The following CRACDL variants were observed in gnomAD, a reference collection of about 807,000 sequenced individuals.
CRACDL encodes the protein CRACD-like protein.
CRACDL carries 26 observed loss-of-function variants against 70.6 expected under a neutral mutation model. The ratio of observed to expected loss-of-function variants is 0.37; its 90% CI spans 0.27 to 0.51. CRACDL has a LOEUF of 0.51. Ranked by LOEUF, CRACDL falls within the 20% of genes least tolerant of loss-of-function variation. The pLI is 0.94. For missense variants in CRACDL, 1,283 were observed against 1,376.9 expected, an observed-to-expected ratio of 0.93 and a Z score of 1.08; for synonymous variants, 618 against 615.2, an observed-to-expected ratio of 1.00 and a Z score of -0.07.
At chr2:98,854,023 C>T (rs558198009) in intron 1 of CRACDL, among the ~76,000 whole-genome samples, 2 of 152,260 alleles carry the variant, frequency 1.3e-5, no homozygotes, top group African/African-American at 4.8e-5. Flanking sequence ...GTGGCTCACA[C>T]CTGTAATACC....
chr2:98,932,689 C>T (rs147016959), intron 1 of CRACDL, among the ~76,000 whole-genome samples: 5,269 of 152,232 alleles, frequency 0.035, 95 homozygotes, highest in African/African-American at 0.055. Flanking sequence ...GCAGCCCCGA[C>T]GGCTCTCCCA....
chr2:98,829,059 T>A (rs1483351137), intron 5 of CRACDL, among the ~76,000 whole-genome samples: 1 of 152,216 alleles, frequency 6.6e-6, no homozygotes, highest in South Asian at 2.1e-4. Flanking sequence ...CTAGGACTCA[T>A]GAGAATAGAC....
chr2:98,902,485 G>A (rs1327325904), intron 1 of CRACDL, among the ~76,000 whole-genome samples: 1 of 152,194 alleles, frequency 6.6e-6, no homozygotes, highest in Non-Finnish European at 1.5e-5. Context: ...TGGGGCGCCT[G>A]AGTGTGGGGG....
chr2:98,846,945 CA>C, intron 1 of CRACDL, 135 bp from the exon 2 acceptor site: 1 of 698,590 alleles, frequency 1.4e-6, no homozygotes, highest in Non-Finnish European at 2.6e-6. Context: ...GGGCAGAGTG[CA>C]GCACAGTACA....
In CRACDL at chr2:98,794,347, C is replaced by A. The variant is rs1336656587; in HGVS notation, c.*185G>T. ...GTTCTTGTTTCTGGGCCCTCTGGCC[C>A]AGGAGTATGGCTGTGTGTTTATCCT... On this transcript the variant is annotated 3_prime_UTR_variant, in exon 10 of 10. Coordinates refer to ENST00000397899, the MANE Select transcript of CRACDL (RefSeq NM_207362.3). 4 of 500,400 alleles carry A rather than the reference C, an allele frequency of 8.0e-6. No homozygotes were observed. Among genetic ancestry groups the A allele is most frequent in the Non-Finnish European group, 1.4e-5 (4 of 287,876 alleles). The allele number at this position is 500,400 out of a possible 1,614,324, so 31.0% of individuals were successfully genotyped here. A position where few individuals can be genotyped will look rare whatever the true frequency, so the allele number is the denominator to read the frequency against.
rs531049497 is a variant in CRACDL at position 98,916,937 on chromosome 2, T to C, written c.-11+19001A>G. ...CTAAACTGAGCCTAAATGACAGTAC[T>C]TTGCACCCAGTATCTGCTCAATCAG... On this transcript the variant is annotated intron_variant, in intron 1 of 9. Coordinates refer to ENST00000397899, the MANE Select transcript of CRACDL (RefSeq NM_207362.3). 3.3e-5 allele frequency among the ~76,000 whole-genome samples: 5 copies of C among 152,326 alleles called. No individual in the cohort carries two copies. The South Asian group carries it at 1.0e-3, about 32-fold the overall frequency.
chr2:98,881,390 C>T (rs1271292184), intron 1 of CRACDL, among the ~76,000 whole-genome samples: 1 of 152,232 alleles, frequency 6.6e-6, no homozygotes, highest in East Asian at 1.9e-4. Flanking sequence ...TTCCTCTGCA[C>T]ATTCAAGCTT....
At chr2:98,854,752 A>C in intron 1 of CRACDL, among the ~76,000 whole-genome samples, 1 of 152,220 alleles carries the variant, frequency 6.6e-6, no homozygotes, top group East Asian at 1.9e-4. Context: ...GACAAACCCA[A>C]ATGAGAGACA....
intron 7 of CRACDL, among the ~76,000 whole-genome samples, chr2:98,801,442 C>G (rs1704071306): frequency 6.6e-6 from 1 of 152,240 alleles, no homozygotes; most frequent in African/African-American, 2.4e-5. Context: ...GTGCCTTTGT[C>G]CCCAGTGAGC....
chr2:98,914,630 C>T (rs549386247), intron 1 of CRACDL, among the ~76,000 whole-genome samples: 1 of 152,310 alleles, frequency 6.6e-6, no homozygotes, highest in South Asian at 2.1e-4. Flanking sequence ...CTGCCCCCCA[C>T]CAGCCTTCGC....
rs192845121 is a variant in CRACDL, at chr2:98,874,105, T to C, written c.-10-27295A>G. 5.9e-5 allele frequency among the ~76,000 whole-genome samples: 9 copies of C among 152,348 alleles called. No individual in the cohort carries two copies. In the South Asian group the frequency reaches 6.2e-4, roughly 11 times the overall value. On this transcript the variant is annotated intron_variant, in intron 1 of 9. Transcript: ENST00000397899. ...AACCAATTATAGCCCCAAAGCCCAA[T>C]TGAGCACTTAAATTACTTAGATCTA...
intron 1 of CRACDL, among the ~76,000 whole-genome samples, chr2:98,881,852 G>A (rs1707661123): frequency 6.6e-6 from 1 of 152,188 alleles, no homozygotes; most frequent in Non-Finnish European, 1.5e-5. Context: ...CTTCTGAGAG[G>A]TGCCTCTTCC....
At chr2:98,795,077 A>ATATATATATATAT in intron 9 of CRACDL, among the ~76,000 whole-genome samples, 2 of 58,496 alleles carry the variant, frequency 3.4e-5, no homozygotes, top group African/African-American at 1.3e-4. Flanking sequence ...ATATATATAT[A>ATATATATATATAT]TTTTTTTTTT....
At chr2:98,810,854 A>AG (rs1205341807) in intron 7 of CRACDL, among the ~76,000 whole-genome samples, 3 of 152,180 alleles carry the variant, frequency 2.0e-5, no homozygotes, top group Non-Finnish European at 2.9e-5. Flanking sequence ...TGTCAGCAAG[A>AG]GGGAGAAAAG....
intron 1 of CRACDL, among the ~76,000 whole-genome samples, chr2:98,882,079 A>G (rs1707668196): frequency 6.6e-6 from 1 of 152,200 alleles, no homozygotes; most frequent in South Asian, 2.1e-4. Context: ...CCAGAACAAA[A>G]GGTTTTCCTT....
chr2:98,873,102 C>T (rs576886498), intron 1 of CRACDL, among the ~76,000 whole-genome samples: 24 of 152,318 alleles, frequency 1.6e-4, no homozygotes, highest in Admixed American at 1.6e-3. Flanking sequence ...AAACCTCATA[C>T]CTCAGCGGTT....
At position 98,794,431 on chromosome 2, in the gene CRACDL, C is replaced by A; in HGVS notation, c.*101G>T. ...GTTCGTCATAACTTGATGATAAAAT[C>A]AATCTTTAAGTTTCACAGTTTGTTT... On this transcript the variant is annotated 3_prime_UTR_variant, in exon 10 of 10. Transcript: ENST00000397899. 9.2e-7 allele frequency: 1 copy of A among 1,087,226 alleles called. No homozygotes were observed. 67.3% of individuals were successfully genotyped at this position (1,087,226 alleles called of 1,614,324 possible).
chr2:98,901,422 C>T (rs2104657201), intron 1 of CRACDL, among the ~76,000 whole-genome samples: 1 of 152,268 alleles, frequency 6.6e-6, no homozygotes, highest in African/African-American at 2.4e-5. Context: ...AACCTCAGTC[C>T]CAGGGCTCCC....
intron 5 of CRACDL, among the ~76,000 whole-genome samples, chr2:98,828,698 A>T (rs1263246645): frequency 6.6e-6 from 1 of 152,240 alleles, no homozygotes; most frequent in Non-Finnish European, 1.5e-5. Flanking sequence ...CAAGGAGGAG[A>T]TAATTACTAA....
Sources: allele counts gnomAD v4.1 joint callset (sites outside exome capture counted in the v4.1 genomes callset), GRCh38; gene constraint gnomAD v4.1.1; transcripts MANE v1.5; gene names NCBI Gene and HGNC (gene_info 2026-07-23, HGNC 2026-07-21).